Variants in MVP observed in about 807,000 individuals in gnomAD.
MVP encodes the protein major vault protein.
MVP carries 62 observed loss-of-function variants against 83.5 expected under a neutral mutation model. The ratio of observed to expected loss-of-function variants is 0.74; its 90% CI spans 0.61 to 0.92. The LOEUF is 0.92. Ranked by LOEUF, MVP falls within the 40% of genes least tolerant of loss-of-function variation. MVP has a pLI of 0.00. For synonymous variants in MVP, 505 were observed against 504.1 expected, an observed-to-expected ratio of 1.00 and a Z score of -0.02; for missense variants, 1,000 against 1,203.4, an observed-to-expected ratio of 0.83 and a Z score of 2.50.
intron 1 of MVP, among the ~76,000 whole-genome samples, chr16:29,823,842 GA>G (rs78354677): frequency 0.018 from 1,939 of 109,620 alleles, 39 homozygotes; most frequent in African/African-American, 0.055. Context: ...ACTCGTCTCA[GA>G]AAAAAAAAAA....
At position 29,830,626 on chromosome 16, in the gene MVP, C is replaced by G; in HGVS notation, c.77C>G (p.Ser26Cys). Reference protein sequence around the residue: ...IHVLDQNSNVSRVEVGPKTYI... With the variant: ...IHVLDQNSNVCRVEVGPKTYI... ...GTGCTGGACCAGAACAGCAACGTGT[C>G]CCGTGTGGAGGTCGGGCCAAAGACC... Residue 26 changes from serine to cysteine, a missense_variant, in exon 2 of 15, where the codon TCC (serine) becomes TGC (cysteine). Ser to Cys is a moderately radical substitution (Grantham distance 112). Coordinates refer to ENST00000357402, the MANE Select transcript of MVP (RefSeq NM_005115.5). 2 of 1,614,066 alleles carry G rather than the reference C, an allele frequency of 1.2e-6. No individual in the cohort carries two copies. Among genetic ancestry groups the G allele is most frequent in the Non-Finnish European group, 1.7e-6 (2 of 1,180,002 alleles).
Position 29,847,863 on chromosome 16 carries a change from G to GC in MVP, c.2559dup (p.Glu854ArgfsTer45). On this transcript the variant is annotated frameshift_variant, in exon 15 of 15. Coordinates refer to ENST00000357402, the MANE Select transcript of MVP (RefSeq NM_005115.5). LOFTEE classifies it low-confidence loss of function (END_TRUNC). ...CAGCCTTTGGGCTGCTGGGGATGGG[G>GC]CCCGAGGGTCAGCCCCTGGGCAGAA... 1 of 1,614,186 alleles carries GC rather than the reference G, an allele frequency of 6.2e-7. No homozygotes were observed. Among genetic ancestry groups the GC allele is most frequent in the East Asian group, 2.2e-5 (1 of 44,884 alleles).
chr16:29,836,559 AAGAG>A (rs1048330994), intron 6 of MVP, among the ~76,000 whole-genome samples, 159 bp from the exon 7 acceptor site: 3 of 151,338 alleles, frequency 2.0e-5, no homozygotes, highest in Non-Finnish European at 4.4e-5. Context: ...CCTGGGCAAC[AAGAG>A]AGAGACTCCG....
chr16:29,836,609 A>C, intron 6 of MVP, 113 bp from the exon 7 acceptor site: 7 of 794,454 alleles, frequency 8.8e-6, no homozygotes, highest in African/African-American at 1.8e-5. Context: ...CTGGATTGGT[A>C]GAAATTGTCT....
intron 10 of MVP, among the ~76,000 whole-genome samples, chr16:29,843,776 T>C (rs1412893957): frequency 6.6e-6 from 1 of 151,022 alleles, no homozygotes; most frequent in Non-Finnish European, 1.5e-5. Flanking sequence ...AGTCCCAGCT[T>C]GTAGTCCCAG....
chr16:29,832,661 A>T (rs535868296), intron 3 of MVP, among the ~76,000 whole-genome samples: 1 of 143,028 alleles, frequency 7.0e-6, no homozygotes, highest in African/African-American at 2.6e-5. Flanking sequence ...TGGGGTGATC[A>T]TAGCTCACTG....
intron 10 of MVP, among the ~76,000 whole-genome samples, 177 bp downstream of exon 10, chr16:29,842,289 A>AGTTTTTTG (rs536299949): frequency 1.3e-5 from 2 of 151,492 alleles, no homozygotes; most frequent in African/African-American, 2.4e-5. Flanking sequence ...TTGTTTTTTT[A>AGTTTTTTG]GTTTTTTGGT....
chr16:29,841,881 T>C lies in MVP; in HGVS notation c.1437-34T>C. 6.2e-7 allele frequency: 1 copy of C among 1,610,106 alleles called. No individual in the cohort carries two copies. The highest frequency in any genetic ancestry group is 1.3e-5 in the African/African-American group (1 of 74,894). The stretch of plus-strand genomic sequence containing the variant: ...GCAGGGTGTAGGGGGTGGCTCTCCA[T>C]GGGTCTGGCTCTGACCCTCGGCTGT... On this transcript the variant is annotated intron_variant, in intron 9 of 14. Coordinates refer to ENST00000357402, the MANE Select transcript of MVP (RefSeq NM_005115.5). The surrounding 1 kb of genome is among the most constrained non-coding windows in gnomAD (Gnocchi z 4.7).
chr16:29,821,381 G>C (rs767090611), intron 1 of MVP: 1 of 152,242 alleles, frequency 6.6e-6, no homozygotes, highest in Non-Finnish European at 1.5e-5. Flanking sequence ...TCTGTATGTA[G>C]CCTTGAGCAG....
At position 29,847,978 on chromosome 16, in the gene MVP, G is replaced by C. The variant is rs767516929; in HGVS notation, c.2671G>C (p.Val891Leu). The stretch of plus-strand genomic sequence containing the variant: ...TCCTGGAGACAACCACGTGGTGCCT[G>C]TACTGCGCTAACTCCTGATTAATAC... Reference protein sequence around the residue: ...QAPGDNHVVPVLR With the variant: ...QAPGDNHVVPLLR The change falls in exon 15 of 15, where the codon GTA becomes CTA. Residue 891 changes from valine (V) to leucine (L), a missense_variant. Val to Leu is a conservative substitution (Grantham distance 32). Transcript: ENST00000357402. 2.5e-6 allele frequency: 4 copies of C among 1,607,196 alleles called. No individual in the cohort carries two copies. In the Admixed American group the frequency reaches 5.3e-5, roughly 21 times the overall value.
intron 12 of MVP, 32 bp from the exon 13 acceptor site, chr16:29,846,126 C>T: frequency 6.2e-7 from 1 of 1,602,082 alleles, no homozygotes; most frequent in Non-Finnish European, 8.5e-7. Context: ...GGGCTGTCTC[C>T]CGGGTCTTAC....
chr16:29,823,996 TG>T, intron 1 of MVP, among the ~76,000 whole-genome samples: 1 of 151,952 alleles, frequency 6.6e-6, no homozygotes, highest in Admixed American at 6.6e-5. Flanking sequence ...CCTAGCCCTT[TG>T]GGAGGCCGAG....
chr16:29,837,076 T>C (rs2067494099), intron 7 of MVP, 118 bp downstream of exon 7: 10 of 927,944 alleles, frequency 1.1e-5, no homozygotes, highest in Non-Finnish European at 1.6e-5. Context: ...TCTGTGCCTT[T>C]GCATGCTTAG....
rs1160752592 is a variant in MVP at position 29,841,578 on chromosome 16, C to A, written c.1192-18C>A. The A allele has an allele frequency of 6.4e-7, 1 of 1,565,822 alleles. No individual in the cohort carries two copies. ...TTCCACCCTTACGGGCAGCTTCCCT[C>A]CCTGTCCTCGTCCCAAGGTGCGCGC... On this transcript the variant is annotated intron_variant, in intron 8 of 14. Coordinates refer to ENST00000357402, the MANE Select transcript of MVP (RefSeq NM_005115.5). The surrounding 1 kb of genome is among the most constrained non-coding windows in gnomAD (Gnocchi z 4.7).
chr16:29,830,790 G>A (rs1360598901), intron 2 of MVP, 88 bp from the exon 3 acceptor site: 16 of 1,565,598 alleles, frequency 1.0e-5, no homozygotes, highest in African/African-American at 2.7e-5. Context: ...TCGCTTGGGC[G>A]ATAGAGAGGT....
chr16:29,830,985 CAG>C lies in MVP; in HGVS notation c.234_235del (p.Gly79AlafsTer8), dbSNP rs762372440. 78 of 1,613,946 alleles carry C rather than the reference CAG, an allele frequency of 4.8e-5. No homozygotes were observed. The highest frequency in any genetic ancestry group is 6.4e-5 in the Non-Finnish European group (75 of 1,180,012). On this transcript the variant is annotated frameshift_variant, in exon 3 of 15. Transcript: ENST00000357402. LOFTEE classifies it high-confidence loss of function. ...CAGGGCTTGGTGCTGTTTGATGTCA[CAG>C]GGCAAGTTCGGCTTCGCCACGCTGA...
intron 1 of MVP, among the ~76,000 whole-genome samples, chr16:29,820,725 A>C (rs1161044548): frequency 2.0e-5 from 3 of 152,096 alleles, no homozygotes; most frequent in African/African-American, 7.2e-5. Context: ...GTTTTGAAGT[A>C]AAGGCAGATT....
intron 11 of MVP, 129 bp from the exon 12 acceptor site, chr16:29,845,734 C>T (rs1241487522): frequency 1.2e-5 from 8 of 682,190 alleles, no homozygotes; most frequent in South Asian, 1.9e-5. Context: ...GGTTGAGTTG[C>T]GTATTGGGTG....
At chr16:29,828,105 C>T (rs1418660416) in intron 1 of MVP, among the ~76,000 whole-genome samples, 3 of 150,714 alleles carry the variant, frequency 2.0e-5, no homozygotes, top group African/African-American at 4.9e-5. Context: ...GGATTACAGG[C>T]ACGTGCCACC....
Sources: allele counts gnomAD v4.1 joint callset (sites outside exome capture counted in the v4.1 genomes callset), GRCh38; gene constraint gnomAD v4.1.1; non-coding constraint Gnocchi (gnomAD v3.1); transcripts MANE v1.5; gene names NCBI Gene and HGNC (gene_info 2026-07-23, HGNC 2026-07-21).